WDR33: variants seen among roughly 807,000 people sequenced by gnomAD.
The protein encoded by WDR33 is WD repeat domain 33, also known as pre-mRNA 3' end processing protein WDR33.
WDR33 carries 47 observed loss-of-function variants against 164.9 expected under a neutral mutation model. That is an observed-to-expected ratio of 0.29 (90% CI 0.23 to 0.36). The LOEUF is 0.36. Ranked by LOEUF, WDR33 falls within the 10% of genes least tolerant of loss-of-function variation. The probability of loss-of-function intolerance (pLI) is 1.00; values close to 1 mark genes in which losing one functional copy is unlikely to be tolerated. For missense variants in WDR33, 1,137 were observed against 1,754.1 expected (o/e 0.65, Z 6.28); for synonymous variants, 505 against 589.0 (o/e 0.86, Z 2.06).
intron 7 of WDR33, among the ~76,000 whole-genome samples, chr2:127,744,984 G>A (rs915671161): frequency 6.6e-6 from 1 of 152,026 alleles, no homozygotes; most frequent in African/African-American, 2.4e-5. Context: ...TTAGAGAATG[G>A]CACTGCTAAC....
rs941248091 is a variant in WDR33, at chr2:127,717,022, A to C, written c.2869+133T>G. 1.7e-5 allele frequency: 15 copies of C among 884,046 alleles called. No homozygotes were observed. The highest frequency in any genetic ancestry group is 2.7e-5 in the Non-Finnish European group (15 of 559,054). 54.8% of individuals were successfully genotyped at this position (884,046 alleles called of 1,614,324 possible). A position where few individuals can be genotyped will look rare whatever the true frequency, so the allele number is the denominator to read the frequency against. ...AACCAAAGACAAAGCTCCTACCTGAATGACCACACCCTTATTTTGCCCAGA... is the reference window on the plus strand; with the variant it reads ...AACCAAAGACAAAGCTCCTACCTGACTGACCACACCCTTATTTTGCCCAGA... On this transcript the variant is annotated intron_variant, in intron 17 of 21. Coordinates refer to ENST00000322313, the MANE Select transcript of WDR33 (RefSeq NM_018383.5). The surrounding 1 kb of genome is among the most constrained non-coding windows in gnomAD (Gnocchi z 5.6).
Position 127,764,689 on chromosome 2 carries a change from G to C in WDR33, c.626+139C>G, listed in dbSNP as rs573669673. 59 of 1,604,356 alleles carry C rather than the reference G, an allele frequency of 3.7e-5. No homozygotes were observed. The East Asian group carries it at 1.3e-3, about 34-fold the overall frequency. ...AAAATGGTGAATGTGTGAAAACAAA[G>C]AAAAATATTGTGTTTATAGGGTGCA... On this transcript the variant is annotated intron_variant, in intron 6 of 21. Transcript: ENST00000322313. This position sits in a 1 kb window ranked among gnomAD's most constrained non-coding sequence, Gnocchi z 6.2.
In WDR33 at chr2:127,718,551, C is replaced by T. The variant is rs1027607299; in HGVS notation, c.2760+714G>A. On this transcript the variant is annotated intron_variant, in intron 16 of 21. Coordinates refer to ENST00000322313, the MANE Select transcript of WDR33 (RefSeq NM_018383.5). The surrounding 1 kb of genome is among the most constrained non-coding windows in gnomAD (Gnocchi z 4.4). ...CACCATCTCTCAAGCACGAGCTCAG[C>T]GCATGAGCAATAAAAATTGGCTAAC... Among the ~76,000 whole-genome samples the T allele has an allele frequency of 6.6e-5, 10 of 152,106 alleles. No homozygotes were observed. The highest frequency in any genetic ancestry group is 1.9e-4 in the East Asian group (1 of 5,196).
At chr2:127,759,806 C>T (rs1195582034) in intron 7 of WDR33, among the ~76,000 whole-genome samples, 3 of 151,960 alleles carry the variant, frequency 2.0e-5, no homozygotes, top group Admixed American at 6.6e-5. Flanking sequence ...TTTGGGAGGC[C>T]GAGGCAGGAG....
intron 7 of WDR33, among the ~76,000 whole-genome samples, chr2:127,757,161 T>C (rs894645183): frequency 1.3e-5 from 2 of 151,238 alleles, no homozygotes; most frequent in African/African-American, 4.9e-5. Flanking sequence ...ACACTAAATA[T>C]ACTAGCAGCA....
chr2:127,713,280 G>A lies in WDR33; in HGVS notation c.3308+303C>T, dbSNP rs1293650331. On this transcript the variant is annotated intron_variant, in intron 18 of 21. Transcript: ENST00000322313. This position sits in a 1 kb window ranked among gnomAD's most constrained non-coding sequence, Gnocchi z 6.2. ...TCCTTATTCTAATCAAGAAGAACCT[G>A]GAAATTTTAAGTCAGATCCCAGCAA... 2.6e-5 allele frequency among the ~76,000 whole-genome samples: 4 copies of A among 152,046 alleles called. No homozygotes were observed. Among genetic ancestry groups the A allele is most frequent in the Non-Finnish European group, 5.9e-5 (4 of 68,008 alleles).
At chr2:127,728,286 A>G (rs1288570473) in intron 7 of WDR33, among the ~76,000 whole-genome samples, 2 of 152,226 alleles carry the variant, frequency 1.3e-5, no homozygotes, top group African/African-American at 2.4e-5. Context: ...ATTTAATGGC[A>G]TGATTAAAAT....
chr2:127,803,055 G>A (rs1434282133), intron 1 of WDR33, among the ~76,000 whole-genome samples: 1 of 151,948 alleles, frequency 6.6e-6, no homozygotes, highest in Non-Finnish European at 1.5e-5. Flanking sequence ...AACAAAAACT[G>A]TGAAATTTGA....
intron 7 of WDR33, among the ~76,000 whole-genome samples, chr2:127,759,548 G>A (rs375523535): frequency 6.6e-6 from 1 of 151,676 alleles, no homozygotes; most frequent in Non-Finnish European, 1.5e-5. Flanking sequence ...AAAATTAGCC[G>A]GGCATGGTGA....
chr2:127,731,611 GTTAT>G (rs770237544), intron 7 of WDR33, among the ~76,000 whole-genome samples: 17 of 152,246 alleles, frequency 1.1e-4, no homozygotes, highest in South Asian at 2.1e-4. Flanking sequence ...TCAATGAGAG[GTTAT>G]TTAAGAAAAT....
chr2:127,777,795 T>C (rs1373597825), intron 1 of WDR33, among the ~76,000 whole-genome samples: 2 of 152,120 alleles, frequency 1.3e-5, no homozygotes, highest in Non-Finnish European at 2.9e-5. Flanking sequence ...TCATTTTTTG[T>C]AGAGACAGAT....
Position 127,701,577 on chromosome 2 carries a change from G to C in WDR33, c.*4746C>G, listed in dbSNP as rs1026844794. 1 of 1,363,428 alleles carries C rather than the reference G, an allele frequency of 7.3e-7. No individual in the cohort carries two copies. Among genetic ancestry groups the C allele is most frequent in the South Asian group, 1.7e-5 (1 of 57,280 alleles). The allele number at this position is 1,363,428 out of a possible 1,614,324, so 84.5% of individuals were successfully genotyped here. A position where few individuals can be genotyped will look rare whatever the true frequency, so the allele number is the denominator to read the frequency against. Reference sequence around the variant, plus strand: ...GCAGGAGTACCTGGCGCAGGGGAAAGCTGGCGGCCCGGCGGCCGCGGAGCC... The same window carrying C: ...GCAGGAGTACCTGGCGCAGGGGAAACCTGGCGGCCCGGCGGCCGCGGAGCC... On this transcript the variant is annotated 3_prime_UTR_variant, in exon 22 of 22. Coordinates refer to ENST00000322313, the MANE Select transcript of WDR33 (RefSeq NM_018383.5).
At chr2:127,787,520 G>T (rs1349841148) in intron 1 of WDR33, among the ~76,000 whole-genome samples, 87 of 129,898 alleles carry the variant, frequency 6.7e-4, no homozygotes, top group Middle Eastern at 4.4e-3. Flanking sequence ...GGACGGGGCG[G>T]CTGGCCGGTC....
intron 7 of WDR33, among the ~76,000 whole-genome samples, chr2:127,757,692 T>C (rs1167938497): frequency 6.6e-6 from 1 of 152,222 alleles, no homozygotes; most frequent in Non-Finnish European, 1.5e-5. Flanking sequence ...GGGGAGTGTT[T>C]TGTAAAACCT....
intron 21 of WDR33, among the ~76,000 whole-genome samples, chr2:127,707,968 C>A (rs148127719): frequency 2.0e-5 from 3 of 152,278 alleles, no homozygotes; most frequent in African/African-American, 4.8e-5. Flanking sequence ...GACCAAATGG[C>A]AGAACTCTGT....
chr2:127,771,883 A>C (rs1156257400), intron 1 of WDR33, among the ~76,000 whole-genome samples: 1 of 152,186 alleles, frequency 6.6e-6, no homozygotes. Flanking sequence ...TGAAGAAAAA[A>C]AGCACAATTC....
At chr2:127,778,838 A>G (rs1688277997) in intron 1 of WDR33, among the ~76,000 whole-genome samples, 1 of 152,196 alleles carries the variant, frequency 6.6e-6, no homozygotes, top group African/African-American at 2.4e-5. Context: ...ATTCAAAATA[A>G]TCTTTCACCA....
intron 1 of WDR33, among the ~76,000 whole-genome samples, chr2:127,787,978 G>A (rs1224177230): frequency 3.4e-5 from 2 of 59,466 alleles, no homozygotes. Flanking sequence ...GGGCAGAGGC[G>A]CCCCTCACCT....
At chr2:127,761,492 G>T (rs1434848519) in intron 7 of WDR33, among the ~76,000 whole-genome samples, 1 of 152,184 alleles carries the variant, frequency 6.6e-6, no homozygotes, top group Non-Finnish European at 1.5e-5. Flanking sequence ...GAGCCACCGC[G>T]CCCAGCTACT....
Sources: allele counts gnomAD v4.1 joint callset (sites outside exome capture counted in the v4.1 genomes callset), GRCh38; gene constraint gnomAD v4.1.1; non-coding constraint Gnocchi (gnomAD v3.1); transcripts MANE v1.5; gene names NCBI Gene and HGNC (gene_info 2026-07-23, HGNC 2026-07-21).